FGGY: variants seen among roughly 807,000 people sequenced by gnomAD.
FGGY encodes FGGY carbohydrate kinase domain-containing protein.
A neutral mutation model predicts 71.3 loss-of-function variants in FGGY; 72 were observed. That is an observed-to-expected ratio of 1.01 (90% CI 0.84 to 1.23). FGGY has a LOEUF of 1.23. FGGY is among the 50% of genes most tolerant of loss of function. The pLI is 0.00. For synonymous variants in FGGY, 251 were observed against 250.3 expected, an observed-to-expected ratio of 1.00 and a Z score of -0.02; for missense variants, 668 against 682.3, an observed-to-expected ratio of 0.98 and a Z score of 0.23.
chr1:59,582,690 G>A lies in FGGY; in HGVS notation c.904-25113G>A, dbSNP rs2096215759. Among the ~76,000 whole-genome samples, 2 of 149,970 alleles carry A rather than the reference G, an allele frequency of 1.3e-5. 1 individual carries two copies. Among genetic ancestry groups the A allele is most frequent in the African/African-American group, 5.0e-5 (2 of 39,648 alleles). ...TGCATCCATGGTACATACCTGTCATGGTGCGTATCCTTCTGTGTTTGTTGT... is the reference window on the plus strand; with the variant it reads ...TGCATCCATGGTACATACCTGTCATAGTGCGTATCCTTCTGTGTTTGTTGT... On this transcript the variant is annotated intron_variant, in intron 8 of 15. Coordinates refer to ENST00000303721, the MANE Select transcript of FGGY (RefSeq NM_018291.5).
intron 11 of FGGY, among the ~76,000 whole-genome samples, chr1:59,642,973 T>G (rs1369407399): frequency 2.7e-5 from 4 of 147,134 alleles, no homozygotes; most frequent in Non-Finnish European, 5.9e-5. Context: ...GGGTGGAGCT[T>G]GCAGTGAGCC....
intron 5 of FGGY, among the ~76,000 whole-genome samples, chr1:59,440,390 G>A (rs554007426): frequency 1.3e-5 from 2 of 152,122 alleles, no homozygotes; most frequent in East Asian, 1.9e-4. Context: ...TTGAGTAGGG[G>A]CCTCTGATCT....
At position 59,674,028 on chromosome 1, in the gene FGGY, G is replaced by T; in HGVS notation, c.1418-11G>T. The stretch of plus-strand genomic sequence containing the variant: ...TGCTCCCTAACCAAGGTGTGGCCTT[G>T]TCCTGCGCAGGCATGCCTGTGGTCC... On this transcript the variant is annotated splice_polypyrimidine_tract_variant and intron_variant, in intron 13 of 15. Coordinates refer to ENST00000303721, the MANE Select transcript of FGGY (RefSeq NM_018291.5). 1 of 1,612,136 alleles carries T rather than the reference G, an allele frequency of 6.2e-7. No homozygotes were observed. The highest frequency in any genetic ancestry group is 8.5e-7 in the Non-Finnish European group (1 of 1,179,048).
rs538377088 is a variant in FGGY at position 59,642,748 on chromosome 1, A to G, written c.1221+4373A>G. 3.3e-5 allele frequency among the ~76,000 whole-genome samples: 5 copies of G among 151,776 alleles called. No homozygotes were observed. In the South Asian group the frequency reaches 1.0e-3, roughly 32 times the overall value. ...TGGCCCCTTAGAAAAACCATTACATACGGCTGGACGCGGTGGCTCACACCT... is the reference window on the plus strand; with the variant it reads ...TGGCCCCTTAGAAAAACCATTACATGCGGCTGGACGCGGTGGCTCACACCT... On this transcript the variant is annotated intron_variant, in intron 11 of 15. Coordinates refer to ENST00000303721, the MANE Select transcript of FGGY (RefSeq NM_018291.5).
intron 1 of FGGY, among the ~76,000 whole-genome samples, chr1:59,308,969 G>A (rs2043846881): frequency 6.6e-6 from 1 of 152,064 alleles, no homozygotes; most frequent in Non-Finnish European, 1.5e-5. Flanking sequence ...TGCTTCTAGA[G>A]TGTTTGTGGA....
At position 59,576,673 on chromosome 1, in the gene FGGY, G is replaced by C. The variant is rs1050227122; in HGVS notation, c.903+22446G>C. On this transcript the variant is annotated intron_variant, in intron 8 of 15. Transcript: ENST00000303721. ...GAGATTACAGACAGACAGACAGACA[G>C]ACAGACACACACACACACACACACA... Among the ~76,000 whole-genome samples the C allele has an allele frequency of 1.3e-3, 176 of 132,390 alleles. 1 individual carries two copies. Among genetic ancestry groups the C allele is most frequent in the African/African-American group, 4.4e-3 (151 of 34,576 alleles). 86.9% of individuals were successfully genotyped at this position (132,390 alleles called of 152,430 possible).
At chr1:59,695,589 T>C (rs2097650457) in intron 14 of FGGY, among the ~76,000 whole-genome samples, 1 of 152,224 alleles carries the variant, frequency 6.6e-6, no homozygotes, top group Non-Finnish European at 1.5e-5. Context: ...TTGACGGCAA[T>C]GAGCAGTATC....
At chr1:59,680,521 GA>G (rs1451454006) in intron 14 of FGGY, among the ~76,000 whole-genome samples, 7 of 140,494 alleles carry the variant, frequency 5.0e-5, no homozygotes, top group Non-Finnish European at 9.1e-5. Context: ...AACAAAAATA[GA>G]TCAGGTTCTG....
chr1:59,651,314 T>G (rs1329822024), intron 11 of FGGY, among the ~76,000 whole-genome samples: 1 of 151,674 alleles, frequency 6.6e-6, no homozygotes, highest in Non-Finnish European at 1.5e-5. Flanking sequence ...CCTTGTTGAC[T>G]TTCTGTCTCG....
chr1:59,626,879 G>A (rs982136444), intron 10 of FGGY: 16 of 151,968 alleles, frequency 1.1e-4, no homozygotes, highest in African/African-American at 3.9e-4. Context: ...AATACAGGAA[G>A]TTTAAACCAG....
intron 14 of FGGY, among the ~76,000 whole-genome samples, chr1:59,694,000 C>T (rs779705988): frequency 1.3e-5 from 2 of 150,458 alleles, no homozygotes; most frequent in Non-Finnish European, 3.0e-5. Context: ...GAGTGAGACC[C>T]TGTCTCAAAA....
chr1:59,313,164 T>C (rs923468852), intron 1 of FGGY, among the ~76,000 whole-genome samples: 12 of 152,158 alleles, frequency 7.9e-5, no homozygotes, highest in African/African-American at 2.7e-4. Flanking sequence ...GCAAGAGTCT[T>C]CCTTGGGCCT....
At chr1:59,608,299 C>G (rs1292426197) in intron 9 of FGGY, among the ~76,000 whole-genome samples, 2 of 152,150 alleles carry the variant, frequency 1.3e-5, no homozygotes, top group East Asian at 1.9e-4. Context: ...CATGGTCTAT[C>G]CCCTCCAGTC....
chr1:59,381,324 G>A lies in FGGY; in HGVS notation c.554+2487G>A. On this transcript the variant is annotated intron_variant, in intron 5 of 15. Coordinates refer to ENST00000303721, the MANE Select transcript of FGGY (RefSeq NM_018291.5). The stretch of plus-strand genomic sequence containing the variant: ...TTTAAAGTAGTTTTTTTCCAATTCT[G>A]TGAAGAAAGTCATTGGTAGCTTGAT... Among the ~76,000 whole-genome samples the A allele has an allele frequency of 2.6e-5, 4 of 152,214 alleles. 1 individual carries two copies. In the South Asian group the frequency reaches 8.3e-4, roughly 32 times the overall value.
intron 7 of FGGY, among the ~76,000 whole-genome samples, chr1:59,526,730 C>T (rs1043386928): frequency 3.3e-5 from 5 of 152,318 alleles, no homozygotes; most frequent in African/African-American, 7.2e-5. Context: ...GTGGCCACCT[C>T]GCCATTCAAA....
At chr1:59,574,991 TACTG>T (rs892378917) in intron 8 of FGGY, among the ~76,000 whole-genome samples, 3 of 152,170 alleles carry the variant, frequency 2.0e-5, no homozygotes, top group African/African-American at 7.2e-5. Flanking sequence ...GTTTATTTCT[TACTG>T]ACAAATGCAA....
At chr1:59,562,858 T>G (rs2153721605) in intron 8 of FGGY, among the ~76,000 whole-genome samples, 1 of 152,300 alleles carries the variant, frequency 6.6e-6, no homozygotes, top group Non-Finnish European at 1.5e-5. Context: ...ATGTCAAAAC[T>G]TTCCAAATCA....
intron 6 of FGGY, among the ~76,000 whole-genome samples, chr1:59,469,794 T>C (rs1220794362): frequency 6.6e-6 from 1 of 152,104 alleles, no homozygotes; most frequent in African/African-American, 2.4e-5. Context: ...ATCCCCCTCA[T>C]TGTGTCCGTG....
intron 1 of FGGY, among the ~76,000 whole-genome samples, chr1:59,302,122 G>A (rs1486915830): frequency 6.6e-6 from 1 of 151,834 alleles, no homozygotes; most frequent in East Asian, 1.9e-4. Context: ...TTGTGTTCCT[G>A]AGATAAACCC....
Sources: allele counts gnomAD v4.1 joint callset (sites outside exome capture counted in the v4.1 genomes callset), GRCh38; gene constraint gnomAD v4.1.1; transcripts MANE v1.5; gene names NCBI Gene and HGNC (gene_info 2026-07-23, HGNC 2026-07-21).